The following ETV4 variants were observed in gnomAD, a reference collection of about 807,000 sequenced individuals.
The protein encoded by ETV4 is ETS variant transcription factor 4, also known as ETS translocation variant 4.
Under a neutral mutation model 65.9 loss-of-function variants are expected in ETV4, and 42 were observed. The ratio of observed to expected loss-of-function variants is 0.64; its 90% CI spans 0.50 to 0.82. ETV4 has a LOEUF of 0.82. ETV4 is among the 40% of genes least tolerant of loss of function. ETV4 has a pLI of 0.00. For synonymous variants in ETV4, 238 were observed against 260.0 expected (o/e 0.92, Z 0.81); for missense variants, 583 against 630.3 (o/e 0.92, Z 0.80).
chr17:43,527,871 G>C lies in ETV4; in HGVS notation c.*648C>G, dbSNP rs1217057353. ...TGGGAGAAGTGGGGGCCTTTATTAA[G>C]GTCTGGCAGATGTGGTGGAGGTGGA... On this transcript the variant is annotated 3_prime_UTR_variant, in exon 13 of 13. Transcript: ENST00000319349. 4.3e-6 allele frequency: 1 copy of C among 231,468 alleles called. No homozygotes were observed. The highest frequency in any genetic ancestry group is 8.6e-6 in the Non-Finnish European group (1 of 116,744). 14.3% of individuals were successfully genotyped at this position (231,468 alleles called of 1,614,324 possible).
Position 43,536,416 on chromosome 17 carries a change from C to T in ETV4, c.256+10G>A. The T allele has an allele frequency of 6.2e-7, 1 of 1,613,650 alleles. No individual in the cohort carries two copies. Reference sequence around the variant, plus strand: ...CTCCCTATACCCTCTCCCCAGGGACCTCTACTCACGGTTTTCTGAATGGAA... The same window carrying T: ...CTCCCTATACCCTCTCCCCAGGGACTTCTACTCACGGTTTTCTGAATGGAA... On this transcript the variant is annotated intron_variant, in intron 5 of 12. Coordinates refer to ENST00000319349, the MANE Select transcript of ETV4 (RefSeq NM_001079675.5).
Position 43,545,593 on chromosome 17 carries a change from A to T in ETV4, c.25T>A (p.Tyr9Asn). 1 of 1,550,760 alleles carries T rather than the reference A, an allele frequency of 6.4e-7. No homozygotes were observed. The highest frequency in any genetic ancestry group is 8.7e-7 in the Non-Finnish European group (1 of 1,146,914). MERRMKAG[Y>N]LDQQVPYTFS... ...GTGTAGGGCACTTGCTGGTCCAAGT[A>T]TCCGGCTTTCATCCTCCGCTCCATC... The change falls in exon 2 of 13, where the codon TAC (tyrosine) becomes AAC (asparagine). Residue 9 changes from tyrosine to asparagine, a missense_variant. Tyr to Asn is a moderately radical substitution (Grantham distance 143). Transcript: ENST00000319349.
intron 5 of ETV4, 39 bp from the exon 6 acceptor site, chr17:43,534,024 T>A: frequency 6.8e-7 from 1 of 1,473,804 alleles, no homozygotes; most frequent in Non-Finnish European, 8.9e-7. Context: ...CCAGAGCCTG[T>A]CACACAAGAG....
At chr17:43,543,028 A>G (rs997221975) in intron 4 of ETV4, among the ~76,000 whole-genome samples, 1 of 152,088 alleles carries the variant, frequency 6.6e-6, no homozygotes, top group African/African-American at 2.4e-5. Flanking sequence ...GCAGGGGGAC[A>G]GGGCCCCGGC....
chr17:43,545,200 T>TGTGA, intron 3 of ETV4, 74 bp downstream of exon 3: 1 of 791,166 alleles, frequency 1.3e-6, no homozygotes, highest in Non-Finnish European at 2.0e-6. Flanking sequence ...CGGCCGTGTG[T>TGTGA]GTGTGTGTGT....
rs1056151396 is a variant in ETV4 at position 43,533,852 on chromosome 17, G to T, written c.383+7C>A. 3 of 1,606,892 alleles carry T rather than the reference G, an allele frequency of 1.9e-6. No homozygotes were observed. The highest frequency in any genetic ancestry group is 2.5e-6 in the Non-Finnish European group (3 of 1,177,226). On this transcript the variant is annotated splice_region_variant and intron_variant, in intron 6 of 12. Coordinates refer to ENST00000319349, the MANE Select transcript of ETV4 (RefSeq NM_001079675.5). ...CTACCCTTCACCAGGTCCAGGCTGGGGCTCACCTGGAGTAAAGGCACTGCT... is the reference window on the plus strand; with the variant it reads ...CTACCCTTCACCAGGTCCAGGCTGGTGCTCACCTGGAGTAAAGGCACTGCT...
At chr17:43,533,073 T>G in intron 7 of ETV4, 114 bp downstream of exon 7, 2 of 1,501,690 alleles carry the variant, frequency 1.3e-6, no homozygotes, top group Non-Finnish European at 9.0e-7. Context: ...TTTCTCCCTT[T>G]CTATTCCACT....
rs963303893 is a variant in ETV4 at position 43,528,662 on chromosome 17, G to C, written c.1312C>G (p.Pro438Ala). ...FSLAFPDNQR[P>A]ALKAEFDRPV... ...CGGTCAAACTCAGCCTTGAGAGCTG[G>C]ACGCTGATTGTCCGGGAAGGCCAAA... Residue 438 changes from proline (P) to alanine (A), a missense_variant, in exon 13 of 13, where the codon CCA becomes GCA. Physicochemically the swap from Pro to Ala is conservative, Grantham distance 27. Transcript: ENST00000319349. 4 of 1,614,086 alleles carry C rather than the reference G, an allele frequency of 2.5e-6. No individual in the cohort carries two copies. Among genetic ancestry groups the C allele is most frequent in the Non-Finnish European group, 3.4e-6 (4 of 1,180,046 alleles).
chr17:43,543,274 A>ACTCTCTCTCTCTCT (rs1250640458), intron 4 of ETV4, among the ~76,000 whole-genome samples: 14 of 41,496 alleles, frequency 3.4e-4, no homozygotes, highest in African/African-American at 2.4e-3. Flanking sequence ...TAACACACAC[A>ACTCTCTCTCTCTCT]CACTCTCTCT....
Position 43,533,992 on chromosome 17 carries a change from G to A in ETV4, c.257-7C>T. ...GTGGGGCTGTGGAAAGCTACTGTGG[G>A]GGTGGAGGGGACAGAGCAAGGCCAG... On this transcript the variant is annotated splice_polypyrimidine_tract_variant and splice_region_variant and intron_variant, in intron 5 of 12. Coordinates refer to ENST00000319349, the MANE Select transcript of ETV4 (RefSeq NM_001079675.5). 6.6e-7 allele frequency: 1 copy of A among 1,523,834 alleles called. No individual in the cohort carries two copies. Among genetic ancestry groups the A allele is most frequent in the Non-Finnish European group, 8.7e-7 (1 of 1,148,584 alleles). 94.4% of individuals were successfully genotyped at this position (1,523,834 alleles called of 1,614,324 possible).
At chr17:43,538,116 G>C (rs1971339269) in intron 4 of ETV4, among the ~76,000 whole-genome samples, 1 of 146,404 alleles carries the variant, frequency 6.8e-6, no homozygotes, top group Non-Finnish European at 1.5e-5. Flanking sequence ...ACTCCAGCCT[G>C]GGTGACAGAG....
chr17:43,541,782 A>G (rs768218902), intron 4 of ETV4, among the ~76,000 whole-genome samples: 2 of 152,150 alleles, frequency 1.3e-5, no homozygotes, highest in Non-Finnish European at 2.9e-5. Context: ...CTGTACTGGA[A>G]GGAACCAGTT....
chr17:43,529,890 A>G lies in ETV4; in HGVS notation c.949T>C (p.Phe317Leu), dbSNP rs775023928. ...PDDVCVVPEK[F>L]EGDIKQEGVG... ...CAACAGTCACTTCTCTGACCTTCAA[A>G]TTTCTCAGGGACAACGCAGACATCA... is the stretch of plus-strand genomic sequence containing the variant. The change falls in exon 10 of 13, where the codon TTT (phenylalanine) becomes CTT (leucine). Residue 317 changes from phenylalanine (F) to leucine (L), a missense_variant. Coordinates refer to ENST00000319349, the MANE Select transcript of ETV4 (RefSeq NM_001079675.5). The G allele has an allele frequency of 1.4e-5, 23 of 1,613,948 alleles. No homozygotes were observed. The highest frequency in any genetic ancestry group is 3.3e-5 in the Admixed American group (2 of 60,000).
Position 43,545,035 on chromosome 17 carries a change from T to C in ETV4, c.155-13A>G, listed in dbSNP as rs1424357561. 6.2e-7 allele frequency: 1 copy of C among 1,613,246 alleles called. No individual in the cohort carries two copies. Among genetic ancestry groups the C allele is most frequent in the Non-Finnish European group, 8.5e-7 (1 of 1,179,580 alleles). ...TCCTGGAAGAGATCTGAGGGGTAAATAGTGGAATTGGAGGTGAGGTGGAGG... is the reference window on the plus strand; with the variant it reads ...TCCTGGAAGAGATCTGAGGGGTAAACAGTGGAATTGGAGGTGAGGTGGAGG... On this transcript the variant is annotated splice_polypyrimidine_tract_variant and intron_variant, in intron 3 of 12. Coordinates refer to ENST00000319349, the MANE Select transcript of ETV4 (RefSeq NM_001079675.5).
rs781638164 is a variant in ETV4 at position 43,544,975 on chromosome 17, C to A, written c.202G>T (p.Ala68Ser). The A allele has an allele frequency of 6.2e-7, 1 of 1,613,882 alleles. No homozygotes were observed. The highest frequency in any genetic ancestry group is 8.5e-7 in the Non-Finnish European group (1 of 1,179,980). The change falls in exon 4 of 13, where the codon GCT (alanine) becomes TCT (serine). Residue 68 changes from alanine to serine, a missense_variant and splice_region_variant. Transcript: ENST00000319349. ...SHFQETWLAE[A>S]QVPDSDEQFV... is the part of the protein sequence containing the mutation. The stretch of plus-strand genomic sequence containing the variant: ...TAGAAAAGGTCACAAAACTACTCAC[C>A]TTCAGCGAGCCACGTCTCCTGGAAG...
At chr17:43,542,972 T>G (rs1435971798) in intron 4 of ETV4, among the ~76,000 whole-genome samples, 1 of 152,144 alleles carries the variant, frequency 6.6e-6, no homozygotes, top group Non-Finnish European at 1.5e-5. Flanking sequence ...GTCACTGACC[T>G]GGTGGGAAGA....
chr17:43,533,313 G>C lies in ETV4; in HGVS notation c.419C>G (p.Ser140Cys). ...YDPPRQIAIK[S>C]PAPGALGQSP... ...CTGTCCAAGGGCACCAGGGGCAGGG[G>C]ACTTGATGGCGATTTGTCTGGGGGG... Residue 140 changes from serine (S) to cysteine (C), a missense_variant, in exon 7 of 13, where the codon TCC becomes TGC. Ser to Cys is a moderately radical substitution (Grantham distance 112, BLOSUM62 -1). Transcript: ENST00000319349. 1 of 1,613,884 alleles carries C rather than the reference G, an allele frequency of 6.2e-7. No homozygotes were observed. The highest frequency in any genetic ancestry group is 8.5e-7 in the Non-Finnish European group (1 of 1,179,852).
chr17:43,545,818 C>T, intron 1 of ETV4, 150 bp from the exon 2 acceptor site: 4 of 605,802 alleles, frequency 6.6e-6, no homozygotes, highest in Non-Finnish European at 1.2e-5. Context: ...AGGCCGAGCG[C>T]CACCACCACT....
intron 4 of ETV4, among the ~76,000 whole-genome samples, chr17:43,542,665 C>A (rs1302350256): frequency 6.6e-6 from 1 of 152,128 alleles, no homozygotes; most frequent in East Asian, 1.9e-4. Context: ...TAAAGCCGCA[C>A]TCACACTCAC....
Sources: allele counts gnomAD v4.1 joint callset (sites outside exome capture counted in the v4.1 genomes callset), GRCh38; gene constraint gnomAD v4.1.1; transcripts MANE v1.5; gene names NCBI Gene and HGNC (gene_info 2026-07-23, HGNC 2026-07-21).